Variants in MTSS1 observed in about 807,000 individuals in gnomAD.
MTSS1 encodes the protein protein MTSS 1.
A neutral mutation model predicts 79.0 loss-of-function variants in MTSS1; 18 were observed. That is an observed-to-expected ratio of 0.23 (90% CI 0.16 to 0.34). The LOEUF is 0.34. Ranked by LOEUF, MTSS1 falls within the 10% of genes least tolerant of loss-of-function variation. The pLI, the probability that MTSS1 is intolerant of heterozygous loss-of-function variation, is 1.00. For synonymous variants in MTSS1, 341 were observed against 368.6 expected (o/e 0.93, Z 0.86); for missense variants, 815 against 986.2 (o/e 0.83, Z 2.33).
chr8:124,699,626 A>G (rs781518385), intron 2 of MTSS1, 27 bp from the exon 3 acceptor site: 12 of 1,607,432 alleles, frequency 7.5e-6, no homozygotes, highest in Non-Finnish European at 9.4e-6. Context: ...TAACAAAAGC[A>G]TAAGGAATGT....
At chr8:124,591,602 A>G (rs1398026368) in intron 3 of MTSS1, among the ~76,000 whole-genome samples, 1 of 152,230 alleles carries the variant, frequency 6.6e-6, no homozygotes, top group Non-Finnish European at 1.5e-5. Context: ...ATGAAAGATA[A>G]TCAATATAGT....
At chr8:124,576,517 C>T (rs1828986882) in intron 6 of MTSS1, among the ~76,000 whole-genome samples, 1 of 151,942 alleles carries the variant, frequency 6.6e-6, no homozygotes, top group African/African-American at 2.4e-5. Context: ...GTAGATGCTA[C>T]TTTTACCTCC....
chr8:124,722,673 G>A (rs949550042), intron 1 of MTSS1, among the ~76,000 whole-genome samples: 2 of 152,134 alleles, frequency 1.3e-5, no homozygotes, highest in Non-Finnish European at 2.9e-5. Flanking sequence ...GAGTTAAACG[G>A]CTCACAGCAT....
In MTSS1 at chr8:124,706,582, G is replaced by A. The variant is rs143859171; in HGVS notation, c.73-2391C>T. Among the ~76,000 whole-genome samples the A allele has an allele frequency of 3.4e-4, 52 of 152,308 alleles. No homozygotes were observed. In the East Asian group the frequency reaches 9.6e-3, roughly 28 times the overall value. On this transcript the variant is annotated intron_variant, in intron 1 of 13. Coordinates refer to ENST00000518547, the MANE Select transcript of MTSS1 (RefSeq NM_014751.6). ...TCTAAGTGGCAATTTGCCCCTATGG[G>A]AAACTAAGCAACAGCCGGGCAAGAA...
At chr8:124,601,533 T>C (rs560285690) in intron 3 of MTSS1, among the ~76,000 whole-genome samples, 1 of 152,346 alleles carries the variant, frequency 6.6e-6, no homozygotes, top group South Asian at 2.1e-4. Context: ...CAGGTTGTAA[T>C]ATTTTAGTTT....
intron 3 of MTSS1, among the ~76,000 whole-genome samples, chr8:124,672,709 C>T (rs776290564): frequency 6.6e-6 from 1 of 152,050 alleles, no homozygotes; most frequent in Admixed American, 6.6e-5. Flanking sequence ...ACTTGGGAAG[C>T]TGAGGTGGGA....
chr8:124,713,732 T>C (rs1831506776), intron 1 of MTSS1, among the ~76,000 whole-genome samples: 3 of 152,068 alleles, frequency 2.0e-5, no homozygotes, highest in Admixed American at 6.6e-5. Flanking sequence ...CCTGTTTTCT[T>C]GTTTTGAGAC....
At chr8:124,708,605 T>C (rs1830710896) in intron 1 of MTSS1, among the ~76,000 whole-genome samples, 1 of 152,102 alleles carries the variant, frequency 6.6e-6, no homozygotes, top group African/African-American at 2.4e-5. Flanking sequence ...CTGAGATGAG[T>C]GTGCCTGAAA....
chr8:124,723,207 T>C (rs1201377650), intron 1 of MTSS1, among the ~76,000 whole-genome samples: 2 of 152,154 alleles, frequency 1.3e-5, no homozygotes, highest in Admixed American at 1.3e-4. Context: ...GAAATGCAAA[T>C]TTAATGGGAA....
Position 124,557,678 on chromosome 8 carries a change from A to G in MTSS1, c.1230+3T>C. 1 of 1,570,028 alleles carries G rather than the reference A, an allele frequency of 6.4e-7. No individual in the cohort carries two copies. The highest frequency in any genetic ancestry group is 8.6e-7 in the Non-Finnish European group (1 of 1,157,434). ...GGAGAGGAGGAGGGGGAGAGACACA[A>G]ACCTTCCAGCTAGGGATCTGAGATG... On this transcript the variant is annotated splice_donor_region_variant and intron_variant, in intron 11 of 13. Transcript: ENST00000518547.
chr8:124,709,744 G>T (rs1157212529), intron 1 of MTSS1, among the ~76,000 whole-genome samples: 1 of 152,138 alleles, frequency 6.6e-6, no homozygotes, highest in African/African-American at 2.4e-5. Context: ...GAGAGATGGG[G>T]CTTCCCTGAA....
At chr8:124,637,176 G>A (rs1817167195) in intron 3 of MTSS1, among the ~76,000 whole-genome samples, 2 of 152,206 alleles carry the variant, frequency 1.3e-5, no homozygotes, top group South Asian at 2.1e-4. Flanking sequence ...TGAAGCATCC[G>A]TGTTGGTTCA....
rs1376480258 is a variant in MTSS1 at position 124,597,795 on chromosome 8, C to G, written c.209-6560G>C. ...CGTCACAGTAAGTCACTGTGCATCT[C>G]TGCTGTTCCCGAGAGCTGACATTGC... On this transcript the variant is annotated intron_variant, in intron 3 of 13. Coordinates refer to ENST00000518547, the MANE Select transcript of MTSS1 (RefSeq NM_014751.6). This position sits in a 1 kb window ranked among gnomAD's most constrained non-coding sequence, Gnocchi z 4.6. 6.6e-6 allele frequency among the ~76,000 whole-genome samples: 1 copy of G among 152,232 alleles called. No homozygotes were observed. The highest frequency in any genetic ancestry group is 1.5e-5 in the Non-Finnish European group (1 of 68,048).
At chr8:124,689,256 A>T (rs966388344) in intron 3 of MTSS1, among the ~76,000 whole-genome samples, 2 of 152,128 alleles carry the variant, frequency 1.3e-5, no homozygotes, top group Admixed American at 6.6e-5. Flanking sequence ...ACTTTTTCAA[A>T]GGGAGCACAG....
At chr8:124,670,850 T>G (rs981433758) in intron 3 of MTSS1, among the ~76,000 whole-genome samples, 6 of 152,098 alleles carry the variant, frequency 3.9e-5, no homozygotes, top group Non-Finnish European at 8.8e-5. Context: ...CTCCTCCCTC[T>G]GAGGACATCA....
intron 3 of MTSS1, among the ~76,000 whole-genome samples, chr8:124,609,286 CT>C (rs35802272): frequency 0.041 from 6,306 of 152,290 alleles, 204 homozygotes; most frequent in Middle Eastern, 0.085. Context: ...AAACCACACT[CT>C]TCCATTTAAC....
Position 124,553,673 on chromosome 8 carries a change from G to A in MTSS1, c.1587C>T (p.Phe529=). The stretch of plus-strand genomic sequence containing the variant: ...CTGCCTCCTGGTCACCACTTACAGA[G>A]AAATAATCATAATCTGAAACTGATT... The part of the protein sequence containing the change: ...IPSQVSDYDY[F]SVSGDQEADQ... Residue 529 remains phenylalanine (F), a synonymous_variant, in exon 14 of 14, where the codon TTC becomes TTT. Coordinates refer to ENST00000518547, the MANE Select transcript of MTSS1 (RefSeq NM_014751.6). The surrounding 1 kb of genome is among the most constrained non-coding windows in gnomAD (Gnocchi z 6.0). The A allele has an allele frequency of 6.2e-7, 1 of 1,611,456 alleles. No individual in the cohort carries two copies. Among genetic ancestry groups the A allele is most frequent in the Non-Finnish European group, 8.5e-7 (1 of 1,178,276 alleles).
At chr8:124,675,797 C>T (rs992299657) in intron 3 of MTSS1, among the ~76,000 whole-genome samples, 1 of 152,212 alleles carries the variant, frequency 6.6e-6, no homozygotes, top group African/African-American at 2.4e-5. Flanking sequence ...GTTTGAGGTT[C>T]ATCCAAGTTG....
At chr8:124,708,307 C>T (rs1323112433) in intron 1 of MTSS1, among the ~76,000 whole-genome samples, 1 of 152,176 alleles carries the variant, frequency 6.6e-6, no homozygotes, top group African/African-American at 2.4e-5. Flanking sequence ...ACTGGAAGTG[C>T]TCAACAAACA....
Sources: allele counts gnomAD v4.1 joint callset (sites outside exome capture counted in the v4.1 genomes callset), GRCh38; gene constraint gnomAD v4.1.1; non-coding constraint Gnocchi (gnomAD v3.1); transcripts MANE v1.5; gene names NCBI Gene and HGNC (gene_info 2026-07-23, HGNC 2026-07-21).